PDE4D: variants seen among roughly 807,000 people sequenced by gnomAD.
The protein encoded by PDE4D is phosphodiesterase 4D.
In PDE4D, 24 loss-of-function variants were observed where a neutral mutation model predicts 87.4. The observed-to-expected ratio is 0.27, with a 90% CI of 0.20 to 0.39. The LOEUF (loss-of-function observed/expected upper bound fraction) is 0.39. Ranked by LOEUF, PDE4D falls within the 10% of genes least tolerant of loss-of-function variation. The pLI, the probability that PDE4D is intolerant of heterozygous loss-of-function variation, is 1.00. For synonymous variants in PDE4D, 384 were observed against 383.2 expected (o/e 1.00, Z -0.02); for missense variants, 714 against 1,041.0 (o/e 0.69, Z 4.32).
At chr5:59,282,185 C>T (rs1008657650) in intron 1 of PDE4D, among the ~76,000 whole-genome samples, 1 of 151,836 alleles carries the variant, frequency 6.6e-6, no homozygotes, top group South Asian at 2.1e-4. Context: ...CAAGTAGTTC[C>T]TAACTCTATA....
At chr5:59,181,047 G>A (rs1055989266) in intron 4 of PDE4D, among the ~76,000 whole-genome samples, 10 of 152,090 alleles carry the variant, frequency 6.6e-5, no homozygotes, top group African/African-American at 1.9e-4. Context: ...CTAAATTCTC[G>A]TGATTGCCTG....
chr5:59,389,817 A>T (rs1787876259), intron 1 of PDE4D, among the ~76,000 whole-genome samples: 1 of 152,132 alleles, frequency 6.6e-6, no homozygotes, highest in East Asian at 1.9e-4. Context: ...TCTTGGAGGT[A>T]GAGAGTAGAA....
intron 1 of PDE4D, among the ~76,000 whole-genome samples, chr5:59,503,809 C>G (rs1348814385): frequency 6.6e-6 from 1 of 152,106 alleles, no homozygotes; most frequent in Non-Finnish European, 1.5e-5. Context: ...AGTTGGAACT[C>G]TCCAGAACAG....
chr5:59,075,968 T>C (rs1765626748), intron 5 of PDE4D, among the ~76,000 whole-genome samples: 1 of 152,132 alleles, frequency 6.6e-6, no homozygotes, highest in Admixed American at 6.6e-5. Flanking sequence ...TCAAAACCAT[T>C]GCAGATCTTT....
intron 1 of PDE4D, among the ~76,000 whole-genome samples, chr5:59,361,406 G>A (rs1341659998): frequency 4.6e-5 from 7 of 152,094 alleles, no homozygotes; most frequent in African/African-American, 1.7e-4. Context: ...TGGTGTCACT[G>A]ATTGTCTTGT....
intron 5 of PDE4D, among the ~76,000 whole-genome samples, chr5:59,063,923 T>C (rs1449457297): frequency 6.6e-6 from 1 of 152,132 alleles, no homozygotes; most frequent in Non-Finnish European, 1.5e-5. Context: ...TGATGAATAT[T>C]GTACAGAAAT....
chr5:59,352,744 C>G (rs1234916472), intron 1 of PDE4D, among the ~76,000 whole-genome samples: 1 of 152,136 alleles, frequency 6.6e-6, no homozygotes, highest in Non-Finnish European at 1.5e-5. Context: ...AGCCCAGATA[C>G]CATTTGTACT....
chr5:59,670,992 A>G (rs1484675165), intron 1 of PDE4D, among the ~76,000 whole-genome samples: 1 of 152,214 alleles, frequency 6.6e-6, no homozygotes, highest in East Asian at 1.9e-4. Flanking sequence ...ATTTTAATGC[A>G]TATACACACA....
intron 1 of PDE4D, among the ~76,000 whole-genome samples, chr5:59,793,754 C>T (rs1766096620): frequency 6.6e-6 from 1 of 152,226 alleles, no homozygotes; most frequent in African/African-American, 2.4e-5. Flanking sequence ...CTGATCAACA[C>T]CTGCCTATTC....
chr5:60,169,223 C>A (rs903662436), intron 2 of PDE4D, among the ~76,000 whole-genome samples: 1 of 152,016 alleles, frequency 6.6e-6, no homozygotes, highest in Non-Finnish European at 1.5e-5. Flanking sequence ...TAAGAATGTT[C>A]AAAAACATGG....
chr5:59,534,876 G>A (rs1015616094), intron 1 of PDE4D, among the ~76,000 whole-genome samples: 10 of 152,152 alleles, frequency 6.6e-5, no homozygotes, highest in Admixed American at 5.9e-4. Context: ...TGGTGGTGAT[G>A]GAGGCCAGAA....
chr5:59,266,376 C>G (rs1411950441), intron 1 of PDE4D, among the ~76,000 whole-genome samples: 1 of 151,748 alleles, frequency 6.6e-6, no homozygotes, highest in Non-Finnish European at 1.5e-5. Context: ...ATGTTAAAGA[C>G]TAGCAAAATG....
chr5:58,985,527 C>T lies in PDE4D; in HGVS notation c.1552+2966G>A, dbSNP rs1041766916. On this transcript the variant is annotated intron_variant, in intron 11 of 14. Coordinates refer to ENST00000340635, the MANE Select transcript of PDE4D (RefSeq NM_001104631.2). ...GGGAACCAGCCAAGGGAATCCCCAG[C>T]GCCCCCCATGTGCCTTAAGCTCTCA... 4.6e-5 allele frequency among the ~76,000 whole-genome samples: 7 copies of T among 152,194 alleles called. 1 individual carries two copies. Among genetic ancestry groups the T allele is most frequent in the Admixed American group, 2.0e-4 (3 of 15,284 alleles).
chr5:60,337,778 A>T (rs917160004), intron 1 of PDE4D, among the ~76,000 whole-genome samples: 1 of 152,018 alleles, frequency 6.6e-6, no homozygotes. Flanking sequence ...CACAATTCCA[A>T]CACCACATCT....
rs115142948 is a variant in PDE4D, at chr5:59,407,405, C to T, written c.456-191437G>A. ...AATTTTCTATTTCTTCATAAATTAC[C>T]CAGTCTCAGATATTTCTTTATTGCA... On this transcript the variant is annotated intron_variant, in intron 1 of 14. Transcript: ENST00000340635. 8.6e-3 allele frequency among the ~76,000 whole-genome samples: 1,315 copies of T among 152,176 alleles called. 23 individuals are homozygous for T. Among genetic ancestry groups the T allele is most frequent in the African/African-American group, 0.03 (1,258 of 41,512 alleles).
chr5:60,165,947 G>T (rs1405651510), intron 2 of PDE4D, among the ~76,000 whole-genome samples: 1 of 151,780 alleles, frequency 6.6e-6, no homozygotes, highest in Admixed American at 6.6e-5. Flanking sequence ...TAGAGTCTTT[G>T]TTTATTTCTC....
intron 2 of PDE4D, among the ~76,000 whole-genome samples, chr5:60,093,741 T>G (rs1048238149): frequency 5.3e-5 from 8 of 152,010 alleles, no homozygotes; most frequent in Non-Finnish European, 1.5e-5. Context: ...TAAAAAATAA[T>G]TCTCCACTAA....
chr5:59,316,634 C>G (rs1773801278), intron 1 of PDE4D, among the ~76,000 whole-genome samples: 1 of 152,132 alleles, frequency 6.6e-6, no homozygotes, highest in Non-Finnish European at 1.5e-5. Flanking sequence ...AAGACTATAT[C>G]TAGTTATTTA....
At chr5:60,020,708 A>G (rs1182432098) in intron 2 of PDE4D, among the ~76,000 whole-genome samples, 1 of 152,224 alleles carries the variant, frequency 6.6e-6, no homozygotes, top group African/African-American at 2.4e-5. Flanking sequence ...TCCTGTCACC[A>G]GTTGAATGCA....
Sources: allele counts gnomAD v4.1 joint callset (sites outside exome capture counted in the v4.1 genomes callset), GRCh38; gene constraint gnomAD v4.1.1; transcripts MANE v1.5; gene names NCBI Gene and HGNC (gene_info 2026-07-23, HGNC 2026-07-21).